STIMATE: variants seen among roughly 807,000 people sequenced by gnomAD.
The protein encoded by STIMATE is store-operated calcium entry regulator STIMATE.
STIMATE carries 15 observed loss-of-function variants against 36.7 expected under a neutral mutation model. The ratio of observed to expected loss-of-function variants is 0.41; its 90% CI spans 0.27 to 0.63. The LOEUF (loss-of-function observed/expected upper bound fraction) is 0.63. STIMATE is among the 20% of genes least tolerant of loss of function. The probability of loss-of-function intolerance (pLI) is 0.32; values close to 1 mark genes in which losing one functional copy is unlikely to be tolerated. For missense variants in STIMATE, 305 were observed against 397.3 expected, an observed-to-expected ratio of 0.77 and a Z score of 1.98; for synonymous variants, 163 against 162.3, an observed-to-expected ratio of 1.00 and a Z score of -0.03.
At chr3:52,883,182 G>C (rs929638056) in intron 1 of STIMATE, among the ~76,000 whole-genome samples, 1 of 152,146 alleles carries the variant, frequency 6.6e-6, no homozygotes, top group African/African-American at 2.4e-5. Flanking sequence ...TTTTAAATCT[G>C]CTTTCATTTA....
At chr3:52,873,503 C>T (rs540834235) in intron 1 of STIMATE, among the ~76,000 whole-genome samples, 4 of 152,132 alleles carry the variant, frequency 2.6e-5, no homozygotes, top group East Asian at 1.9e-4. Flanking sequence ...TTGCAATTCT[C>T]GGCTCCAGAA....
intron 4 of STIMATE, chr3:52,847,434 G>A (rs763075720): frequency 3.9e-6 from 5 of 1,285,816 alleles, no homozygotes; most frequent in Admixed American, 2.3e-5. Context: ...GGAAAGAGTG[G>A]CCTGGTAATC....
At position 52,844,824 on chromosome 3, in the gene STIMATE, C is replaced by T; in HGVS notation, c.540+5G>A. On this transcript the variant is annotated splice_donor_5th_base_variant and intron_variant, in intron 5 of 7. Transcript: ENST00000355083. ...AGGAGCTGCTCATGCAGGGACGAAGCAAACCTTTTTCCACTGAAGTATTAG... is the reference window on the plus strand; with the variant it reads ...AGGAGCTGCTCATGCAGGGACGAAGTAAACCTTTTTCCACTGAAGTATTAG... 3 of 1,613,730 alleles carry T rather than the reference C, an allele frequency of 1.9e-6. No individual in the cohort carries two copies. The highest frequency in any genetic ancestry group is 2.5e-6 in the Non-Finnish European group (3 of 1,179,700).
intron 2 of STIMATE, among the ~76,000 whole-genome samples, chr3:52,853,904 C>A (rs749719606): frequency 1.3e-5 from 2 of 152,326 alleles, no homozygotes; most frequent in South Asian, 4.1e-4. Context: ...CTTGTGGACA[C>A]AGTGCTGTCT....
intron 4 of STIMATE, among the ~76,000 whole-genome samples, chr3:52,847,803 TTC>T (rs1274412503): frequency 6.6e-6 from 1 of 152,106 alleles, no homozygotes; most frequent in Non-Finnish European, 1.5e-5. Context: ...AGGGAGAGTG[TTC>T]TGAGTGTCCA....
chr3:52,863,968 C>T (rs1189076383), intron 1 of STIMATE, among the ~76,000 whole-genome samples: 24 of 152,258 alleles, frequency 1.6e-4, no homozygotes, highest in Admixed American at 1.6e-3. Context: ...CAGCCTCCCT[C>T]CCGGCTGCTT....
At chr3:52,874,641 A>G (rs1701467893) in intron 1 of STIMATE, among the ~76,000 whole-genome samples, 1 of 152,196 alleles carries the variant, frequency 6.6e-6, no homozygotes, top group African/African-American at 2.4e-5. Flanking sequence ...CGGGCGGATC[A>G]CTTGAGGTCA....
At chr3:52,849,204 C>T (rs916268503) in intron 4 of STIMATE, among the ~76,000 whole-genome samples, 3 of 152,210 alleles carry the variant, frequency 2.0e-5, no homozygotes. Context: ...TCTGCAGACA[C>T]CTGGGGCCAG....
chr3:52,849,533 C>T (rs1347859732), intron 4 of STIMATE, among the ~76,000 whole-genome samples: 1 of 152,196 alleles, frequency 6.6e-6, no homozygotes, highest in Non-Finnish European at 1.5e-5. Flanking sequence ...AGCAGACATT[C>T]AGCCCTCTCT....
chr3:52,855,879 CA>C (rs1701083212), intron 1 of STIMATE, among the ~76,000 whole-genome samples: 1 of 152,240 alleles, frequency 6.6e-6, no homozygotes, highest in Admixed American at 6.5e-5. Context: ...AGTTGTCTTG[CA>C]ACCAGGGGGC....
chr3:52,886,113 C>T (rs765967453), intron 1 of STIMATE, among the ~76,000 whole-genome samples: 3 of 152,158 alleles, frequency 2.0e-5, no homozygotes, highest in South Asian at 2.1e-4. Context: ...TTGGCTTCTT[C>T]CCAGTCTGTC....
chr3:52,866,391 G>A (rs1387651394), intron 1 of STIMATE, among the ~76,000 whole-genome samples: 1 of 152,190 alleles, frequency 6.6e-6, no homozygotes, highest in Non-Finnish European at 1.5e-5. Context: ...GGCCTGGCAG[G>A]GCTCCCAGTC....
chr3:52,848,962 T>C (rs1700953272), intron 4 of STIMATE, among the ~76,000 whole-genome samples: 1 of 152,342 alleles, frequency 6.6e-6, no homozygotes, highest in Admixed American at 6.5e-5. Flanking sequence ...AAGGTACTCA[T>C]AGCCAGCTCC....
At chr3:52,887,993 A>ATTTTTTTTTTT (rs1373427637) in intron 1 of STIMATE, among the ~76,000 whole-genome samples, 4 of 19,908 alleles carry the variant, frequency 2.0e-4, no homozygotes, top group Non-Finnish European at 3.8e-4. Flanking sequence ...TAACAGAATC[A>ATTTTTTTTTTT]GTTTTTTTTT....
At chr3:52,854,971 G>A (rs540016069) in intron 2 of STIMATE, among the ~76,000 whole-genome samples, 1 of 152,346 alleles carries the variant, frequency 6.6e-6, no homozygotes, top group Non-Finnish European at 1.5e-5. Flanking sequence ...CTAGGACCAA[G>A]AAAGACTCGT....
intron 1 of STIMATE, among the ~76,000 whole-genome samples, chr3:52,881,475 C>T (rs1437279148): frequency 2.0e-5 from 3 of 151,948 alleles, no homozygotes; most frequent in South Asian, 2.1e-4. Context: ...GAGGCCAAGG[C>T]GGGCGGATCA....
At chr3:52,867,405 C>T (rs1428088207) in intron 1 of STIMATE, among the ~76,000 whole-genome samples, 3 of 152,234 alleles carry the variant, frequency 2.0e-5, no homozygotes, top group Non-Finnish European at 2.9e-5. Context: ...CGTTGGACCT[C>T]AGTGCATGAG....
At chr3:52,864,945 CTCTT>C (rs949155590) in intron 1 of STIMATE, among the ~76,000 whole-genome samples, 8 of 146,352 alleles carry the variant, frequency 5.5e-5, no homozygotes, top group African/African-American at 2.0e-4. Flanking sequence ...ACAAGTCTCT[CTCTT>C]TTCTTTTTTT....
chr3:52,860,980 C>T (rs1701207418), intron 1 of STIMATE, among the ~76,000 whole-genome samples: 1 of 152,224 alleles, frequency 6.6e-6, no homozygotes, highest in Admixed American at 6.5e-5. Context: ...GCAGAAGCCA[C>T]ACCATGCTCA....
Sources: gnomAD v4.1 joint callset for allele counts (sites outside exome capture counted in the v4.1 genomes callset) on GRCh38, gnomAD v4.1.1 for gene constraint, MANE v1.5 for transcripts, NCBI Gene and HGNC (gene_info 2026-07-23, HGNC 2026-07-21) for gene names.